The following SERINC3 variants were observed in gnomAD, a reference collection of about 807,000 sequenced individuals.
SERINC3 encodes the protein serine incorporator 3, also known as tumor differentially expressed protein 1.
In SERINC3, 22 loss-of-function variants were observed where a neutral mutation model predicts 52.1. The observed-to-expected ratio is 0.42, with a 90% CI of 0.30 to 0.60. SERINC3 has a LOEUF of 0.60. Among genes scored for constraint, SERINC3 ranks in the 20% least tolerant of loss-of-function variants. The pLI is 0.16. For synonymous variants in SERINC3, 226 were observed against 212.7 expected (o/e 1.06, Z -0.54); for missense variants, 564 against 584.6 (o/e 0.96, Z 0.36).
intron 1 of SERINC3, among the ~76,000 whole-genome samples, chr20:44,519,790 CA>C (rs1231295312): frequency 1.5e-3 from 192 of 125,496 alleles, no homozygotes; most frequent in Admixed American, 1.3e-3. Flanking sequence ...TGTCCCCCTC[CA>C]AAAAAAAAAA....
At chr20:44,512,325 CAAAAAA>C (rs920134707) in intron 3 of SERINC3, among the ~76,000 whole-genome samples, 2 of 49,346 alleles carry the variant, frequency 4.1e-5, no homozygotes, top group African/African-American at 1.6e-4. Flanking sequence ...AAAAACAAAA[CAAAAAA>C]AAAAAAAAAA....
At chr20:44,520,010 G>A (rs1287087836) in intron 1 of SERINC3, among the ~76,000 whole-genome samples, 1 of 152,104 alleles carries the variant, frequency 6.6e-6, no homozygotes, top group Non-Finnish European at 1.5e-5. Flanking sequence ...GGACTTTTCA[G>A]TCTCACCCCT....
In SERINC3 at chr20:44,512,831, CTTG is replaced by C. The variant is rs750416384; in HGVS notation, c.362_364del (p.Thr121del). ...GTGTACTGCCGCTCGGAGATCTTTA[CTTG>C]TTTTTACTTTGAACATGAGCAGAGA... is the stretch of plus-strand genomic sequence containing the variant. On this transcript the variant is annotated inframe_deletion, in exon 3 of 10. Transcript: ENST00000342374. 1.0e-5 allele frequency: 16 copies of C among 1,575,610 alleles called. No homozygotes were observed. The highest frequency in any genetic ancestry group is 8.6e-7 in the Non-Finnish European group (1 of 1,168,320).
intron 2 of SERINC3, 113 bp downstream of exon 2, chr20:44,513,766 A>G: frequency 4.3e-6 from 4 of 927,724 alleles, no homozygotes; most frequent in Non-Finnish European, 6.1e-6. Flanking sequence ...CCATATAAGT[A>G]AAAAATCTCC....
chr20:44,507,302 T>C (rs530198813), intron 5 of SERINC3, among the ~76,000 whole-genome samples: 5 of 152,352 alleles, frequency 3.3e-5, no homozygotes, highest in African/African-American at 1.2e-4. Context: ...TGTTAATTAA[T>C]GTGTATTGTG....
chr20:44,509,849 A>C (rs1225249483), intron 5 of SERINC3, 42 bp downstream of exon 5: 1 of 1,601,460 alleles, frequency 6.2e-7, no homozygotes, highest in African/African-American at 1.3e-5. Context: ...CACCGTGCTT[A>C]ATGTAGCAGT....
chr20:44,513,233 C>T (rs1459294693), intron 2 of SERINC3, among the ~76,000 whole-genome samples: 1 of 152,076 alleles, frequency 6.6e-6, no homozygotes. Context: ...CATCTGTAAT[C>T]CCAGTATTTT....
chr20:44,507,685 A>G (rs1207182566), intron 5 of SERINC3, among the ~76,000 whole-genome samples: 1 of 152,210 alleles, frequency 6.6e-6, no homozygotes, highest in African/African-American at 2.4e-5. Context: ...CCCAGGCAAC[A>G]TGGCCAAACC....
intron 6 of SERINC3, 152 bp downstream of exon 6, chr20:44,506,675 T>C (rs1175195539): frequency 5.1e-6 from 2 of 395,510 alleles, no homozygotes; most frequent in Non-Finnish European, 8.6e-6. Context: ...TTAATTATGA[T>C]ATAGGCATGA....
rs191918653 is a variant in SERINC3 at position 44,497,722 on chromosome 20, A to G, written c.*2574T>C. ...CACTGGTTTAAAAGACAATGATTCC[A>G]ATAATTTATATCAAGTCCTGCTTCC... On this transcript the variant is annotated 3_prime_UTR_variant, in exon 10 of 10. Transcript: ENST00000342374. 1.3e-5 allele frequency: 2 copies of G among 152,252 alleles called. No individual in the cohort carries two copies. The highest frequency in any genetic ancestry group is 3.9e-4 in the East Asian group (2 of 5,182). The allele number at this position is 152,252 out of a possible 1,614,324, so 9.4% of individuals were successfully genotyped here. A position where few individuals can be genotyped will look rare whatever the true frequency, so the allele number is the denominator to read the frequency against.
Position 44,504,875 on chromosome 20 carries a change from G to C in SERINC3, c.800C>G (p.Ser267Cys). Residue 267 changes from serine (S) to cysteine (C), a missense_variant, in exon 7 of 10, where the codon TCC becomes TGC. Transcript: ENST00000342374. The part of the protein sequence containing the change: ...HPKIQEHQPR[S>C]GLLQSSLITL... ...GATGAGGGAGGACTGCAAGAGGCCGGAGCGAGGCTGGTGTTCCTATGGAAT... is the reference window on the plus strand; with the variant it reads ...GATGAGGGAGGACTGCAAGAGGCCGCAGCGAGGCTGGTGTTCCTATGGAAT... 1 of 1,613,386 alleles carries C rather than the reference G, an allele frequency of 6.2e-7. No homozygotes were observed.
intron 1 of SERINC3, among the ~76,000 whole-genome samples, chr20:44,519,027 T>C (rs1239701699): frequency 1.3e-5 from 2 of 151,302 alleles, no homozygotes; most frequent in Non-Finnish European, 2.9e-5. Flanking sequence ...TTACTATTAC[T>C]GAGCACTCCT....
At chr20:44,514,521 A>G (rs1281030196) in intron 1 of SERINC3, among the ~76,000 whole-genome samples, 1 of 152,218 alleles carries the variant, frequency 6.6e-6, no homozygotes, top group Non-Finnish European at 1.5e-5. Flanking sequence ...GCACTTTGGG[A>G]GGCCGAGGCG....
intron 8 of SERINC3, among the ~76,000 whole-genome samples, chr20:44,502,050 T>A (rs921670457): frequency 6.6e-6 from 1 of 151,978 alleles, no homozygotes; most frequent in African/African-American, 2.4e-5. Flanking sequence ...CTAAAAACTT[T>A]CCCCCTGAGA....
chr20:44,517,922 C>A (rs2064390701), intron 1 of SERINC3, among the ~76,000 whole-genome samples: 1 of 152,148 alleles, frequency 6.6e-6, no homozygotes, highest in South Asian at 2.1e-4. Context: ...TTTTCTATTT[C>A]AGTAAATGAC....
intron 4 of SERINC3, among the ~76,000 whole-genome samples, 188 bp from the exon 5 acceptor site, chr20:44,510,216 AAT>A (rs1229246867): frequency 1.3e-5 from 2 of 152,202 alleles, no homozygotes; most frequent in African/African-American, 4.8e-5. Context: ...GACCTTTTAA[AAT>A]ATGTTTTAGC....
chr20:44,504,839 G>A lies in SERINC3; in HGVS notation c.836C>T (p.Thr279Ile). Residue 279 changes from threonine to isoleucine, a missense_variant, in exon 7 of 10, where the codon ACT becomes ATT. Thr to Ile is a moderately conservative substitution (Grantham distance 89, BLOSUM62 -1). Coordinates refer to ENST00000342374, the MANE Select transcript of SERINC3 (RefSeq NM_006811.4). ...CATGGCTGACCAGGTGAGGTACATA[G>A]TGTAGAGGGTGATGAGGGAGGACTG... is the stretch of plus-strand genomic sequence containing the variant. Reference protein sequence around the residue: ...LLQSSLITLYTMYLTWSAMSN... With the variant: ...LLQSSLITLYIMYLTWSAMSN... 3.1e-6 allele frequency: 5 copies of A among 1,613,614 alleles called. No individual in the cohort carries two copies. The highest frequency in any genetic ancestry group is 4.2e-6 in the Non-Finnish European group (5 of 1,179,588).
intron 7 of SERINC3, 99 bp downstream of exon 7, chr20:44,504,702 T>C (rs2064300339): frequency 1.0e-6 from 1 of 975,986 alleles, no homozygotes; most frequent in African/African-American, 1.6e-5. Context: ...TGTTTGCTTG[T>C]TTCACATTTG....
At chr20:44,506,795 T>A in intron 6 of SERINC3, 32 bp downstream of exon 6, 11 of 1,468,746 alleles carry the variant, frequency 7.5e-6, no homozygotes, top group Non-Finnish European at 1.0e-5. Flanking sequence ...TAAAAACCTT[T>A]CACAGGAGAA....
Sources: gnomAD v4.1 joint callset for allele counts (sites outside exome capture counted in the v4.1 genomes callset) on GRCh38, gnomAD v4.1.1 for gene constraint, MANE v1.5 for transcripts, NCBI Gene and HGNC (gene_info 2026-07-23, HGNC 2026-07-21) for gene names.